The following BICC1 variants were observed in gnomAD, a reference collection of about 807,000 sequenced individuals.
The protein encoded by BICC1 is BicC family RNA binding protein 1, also known as protein bicaudal C homolog 1.
Under a neutral mutation model 111.0 loss-of-function variants are expected in BICC1, and 43 were observed. That is an observed-to-expected ratio of 0.39 (90% CI 0.30 to 0.50). The LOEUF is 0.50. Among genes scored for constraint, BICC1 ranks in the 20% least tolerant of loss-of-function variants. The pLI, the probability that BICC1 is intolerant of heterozygous loss-of-function variation, is 0.88. For synonymous variants in BICC1, 467 were observed against 434.4 expected, an observed-to-expected ratio of 1.07 and a Z score of -0.93; for missense variants, 1,091 against 1,203.2, an observed-to-expected ratio of 0.91 and a Z score of 1.38.
chr10:58,698,112 G>A (rs1487187295), intron 2 of BICC1, among the ~76,000 whole-genome samples: 3 of 152,192 alleles, frequency 2.0e-5, no homozygotes, highest in East Asian at 1.9e-4. Flanking sequence ...AGTAAGTGTG[G>A]CCCCTTCCTA....
chr10:58,618,962 T>A (rs555733413), intron 1 of BICC1, among the ~76,000 whole-genome samples: 68 of 152,324 alleles, frequency 4.5e-4, no homozygotes, highest in African/African-American at 1.6e-3. Flanking sequence ...TGTTCCCCTG[T>A]CTTCAAATCT....
chr10:58,814,068 G>A, intron 18 of BICC1, 82 bp downstream of exon 18: 2 of 1,502,328 alleles, frequency 1.3e-6, no homozygotes, highest in Admixed American at 1.7e-5. Flanking sequence ...ACTGACTGTG[G>A]CCTCTCTGAC....
At chr10:58,809,878 C>T (rs112598313) in intron 17 of BICC1, among the ~76,000 whole-genome samples, 1,874 of 152,280 alleles carry the variant, frequency 0.012, 47 homozygotes, top group African/African-American at 0.043. Context: ...TACTCCTCTT[C>T]CTAATGATTT....
chr10:58,550,289 T>C (rs1843261615), intron 1 of BICC1, among the ~76,000 whole-genome samples: 1 of 152,192 alleles, frequency 6.6e-6, no homozygotes, highest in Non-Finnish European at 1.5e-5. Flanking sequence ...CCTAAAGTGC[T>C]AGGGCTACAG....
intron 3 of BICC1, among the ~76,000 whole-genome samples, chr10:58,723,088 T>C (rs1342056968): frequency 6.6e-6 from 1 of 152,240 alleles, no homozygotes; most frequent in Admixed American, 6.5e-5. Context: ...TCAGACTTAA[T>C]GATGAAAACT....
chr10:58,591,826 G>A (rs751246957), intron 1 of BICC1, among the ~76,000 whole-genome samples: 5 of 152,130 alleles, frequency 3.3e-5, no homozygotes, highest in Admixed American at 1.3e-4. Flanking sequence ...CTTCCTCTAC[G>A]GATGGTTGAA....
At chr10:58,608,725 T>C (rs1307983831) in intron 1 of BICC1, among the ~76,000 whole-genome samples, 1 of 152,196 alleles carries the variant, frequency 6.6e-6, no homozygotes, top group African/African-American at 2.4e-5. Flanking sequence ...TTGAAGGAGA[T>C]TGAAGAATTT....
intron 17 of BICC1, 139 bp from the exon 18 acceptor site, chr10:58,813,691 G>C: frequency 1.2e-6 from 1 of 853,390 alleles, no homozygotes; most frequent in Non-Finnish European, 1.8e-6. Context: ...CAGCCTTCCC[G>C]AGAGTCAACA....
intron 3 of BICC1, among the ~76,000 whole-genome samples, chr10:58,779,321 A>G (rs769352439): frequency 6.6e-6 from 1 of 152,226 alleles, no homozygotes; most frequent in Non-Finnish European, 1.5e-5. Context: ...TTTGTGCCTA[A>G]AAGCACATTA....
rs905694425 is a variant in BICC1 at position 58,527,868 on chromosome 10, A to C, written c.190+14535A>C. ...GGGTTAGAATTCTCAGTGAGAATGC[A>C]GGTGTTGCAAAGCTCTGCCTTCTAC... On this transcript the variant is annotated intron_variant, in intron 1 of 20. Coordinates refer to ENST00000373886, the MANE Select transcript of BICC1 (RefSeq NM_001080512.3). Among the ~76,000 whole-genome samples, 5 of 151,946 alleles carry C rather than the reference A, an allele frequency of 3.3e-5. No individual in the cohort carries two copies. The East Asian group carries it at 9.7e-4, about 29-fold the overall frequency.
In BICC1 at chr10:58,518,590, TGGG is replaced by T. The variant is rs1241638049; in HGVS notation, c.190+5268_190+5270del. 6.9e-3 allele frequency among the ~76,000 whole-genome samples: 243 copies of T among 35,326 alleles called. 1 individual carries two copies. Among genetic ancestry groups the T allele is most frequent in the African/African-American group, 0.028 (223 of 7,946 alleles). The allele number at this position is 35,326 out of a possible 152,430, so 23.2% of individuals were successfully genotyped here. ...GTGAATCCTTTGTGTATGTGTGTGTTGGGGGGGGGGGGGTGTGTTTGATGTGTT... is the reference window on the plus strand; with the variant it reads ...GTGAATCCTTTGTGTATGTGTGTGTTGGGGGGGGGGTGTGTTTGATGTGTT... On this transcript the variant is annotated intron_variant, in intron 1 of 20. Coordinates refer to ENST00000373886, the MANE Select transcript of BICC1 (RefSeq NM_001080512.3).
At chr10:58,725,446 G>A (rs896034741) in intron 3 of BICC1, among the ~76,000 whole-genome samples, 2 of 152,110 alleles carry the variant, frequency 1.3e-5, no homozygotes, top group Admixed American at 6.5e-5. Context: ...CTTCTTTCAA[G>A]TATGGATCAT....
At chr10:58,618,268 G>C (rs1845683950) in intron 1 of BICC1, among the ~76,000 whole-genome samples, 1 of 152,208 alleles carries the variant, frequency 6.6e-6, no homozygotes, top group Non-Finnish European at 1.5e-5. Context: ...TGGATCTGCT[G>C]TGGTCAAGAA....
At position 58,561,427 on chromosome 10, in the gene BICC1, T is replaced by C. The variant is rs528474864; in HGVS notation, c.190+48094T>C. ...CTTGTTCATCCCTTCATGTTCAGTC[T>C]GTGTGTTCTTTATAGGTGAAATGAG... On this transcript the variant is annotated intron_variant, in intron 1 of 20. Coordinates refer to ENST00000373886, the MANE Select transcript of BICC1 (RefSeq NM_001080512.3). Among the ~76,000 whole-genome samples, 89 of 152,190 alleles carry C rather than the reference T, an allele frequency of 5.8e-4. No homozygotes were observed. The South Asian group carries it at 0.018, about 31-fold the overall frequency.
intron 1 of BICC1, among the ~76,000 whole-genome samples, chr10:58,555,606 G>C (rs1325569060): frequency 2.0e-5 from 3 of 152,074 alleles, no homozygotes; most frequent in African/African-American, 7.2e-5. Flanking sequence ...GCAGTTCTTT[G>C]CAAAGGAAGT....
intron 1 of BICC1, among the ~76,000 whole-genome samples, chr10:58,555,022 G>A (rs1045826920): frequency 1.3e-5 from 2 of 151,830 alleles, no homozygotes; most frequent in Non-Finnish European, 2.9e-5. Context: ...TCCAGGTTTT[G>A]TTATAAATAC....
At chr10:58,534,103 C>A (rs955748563) in intron 1 of BICC1, among the ~76,000 whole-genome samples, 1 of 151,648 alleles carries the variant, frequency 6.6e-6, no homozygotes, top group African/African-American at 2.4e-5. Context: ...CAAATGGTAA[C>A]CCAAAGAGAT....
intron 3 of BICC1, among the ~76,000 whole-genome samples, chr10:58,749,129 A>G (rs1393495949): frequency 6.6e-6 from 1 of 152,092 alleles, no homozygotes; most frequent in Non-Finnish European, 1.5e-5. Context: ...CTTTGGGAAA[A>G]TTAATGTTTG....
intron 1 of BICC1, among the ~76,000 whole-genome samples, chr10:58,565,054 A>G (rs185008732): frequency 2.1e-3 from 311 of 147,402 alleles, no homozygotes; most frequent in African/African-American, 7.4e-3. Flanking sequence ...AAATCTTCCA[A>G]CACTTCACAC....
Sources: allele counts gnomAD v4.1 joint callset (sites outside exome capture counted in the v4.1 genomes callset), GRCh38; gene constraint gnomAD v4.1.1; transcripts MANE v1.5; gene names NCBI Gene and HGNC (gene_info 2026-07-23, HGNC 2026-07-21).